TRPM5: variants seen among roughly 807,000 people sequenced by gnomAD.
TRPM5 encodes MLSN1 and TRP-related.
TRPM5 carries 121 observed loss-of-function variants against 124.9 expected under a neutral mutation model. That is an observed-to-expected ratio of 0.97 (90% CI 0.84 to 1.13). The LOEUF (loss-of-function observed/expected upper bound fraction) is 1.13, where lower values mean the gene tolerates loss of function less well. TRPM5 is among the 50% of genes most tolerant of loss of function. The pLI is 0.00. For synonymous variants in TRPM5, 781 were observed against 700.5 expected, an observed-to-expected ratio of 1.11 and a Z score of -1.81; for missense variants, 1,643 against 1,589.1, an observed-to-expected ratio of 1.03 and a Z score of -0.58.
intron 3 of TRPM5, among the ~76,000 whole-genome samples, chr11:2,420,828 G>T (rs534852433): frequency 2.6e-5 from 4 of 152,196 alleles, no homozygotes; most frequent in South Asian, 2.1e-4. Context: ...TGGTACAGGA[G>T]GGGGTGAGGG....
At chr11:2,405,256 G>T (rs1565004600) in intron 23 of TRPM5, among the ~76,000 whole-genome samples, 1 of 152,230 alleles carries the variant, frequency 6.6e-6, no homozygotes, top group Admixed American at 6.5e-5. Flanking sequence ...AGGCCGAGGG[G>T]CCCGTTTGCT....
intron 2 of TRPM5, 55 bp from the exon 8 acceptor site, chr11:2,421,253 T>A: frequency 6.6e-7 from 1 of 1,509,336 alleles, no homozygotes; most frequent in South Asian, 1.2e-5. Flanking sequence ...CTTCCCTAGC[T>A]GGCCCCACGC....
At chr11:2,414,009 G>GGGGGGGCGCC in intron 12 of TRPM5, 52 bp downstream of exon 17, 1 of 1,023,734 alleles carries the variant, frequency 9.8e-7, no homozygotes, top group Non-Finnish European at 1.4e-6. Flanking sequence ...GGCCCAGCTC[G>GGGGGGGCGCC]CCCGCCCACC....
intron 22 of TRPM5, 43 bp downstream of exon 27, chr11:2,405,976 C>T: frequency 6.4e-7 from 1 of 1,571,466 alleles, no homozygotes; most frequent in Non-Finnish European, 8.7e-7. Context: ...CCCACGCAGC[C>T]ACCCGCCTCC....
chr11:2,429,339 T>C, the TRPM5 span, among the ~76,000 whole-genome samples: 5 of 151,026 alleles, frequency 3.3e-5, no homozygotes, highest in Non-Finnish European at 5.9e-5. This position sits in a 1 kb window ranked among gnomAD's most constrained non-coding sequence, Gnocchi z 8.4. Flanking sequence ...ATGAGGGTGA[T>C]GATGACAATG....
At chr11:2,428,443 A>ATGG in the TRPM5 span, among the ~76,000 whole-genome samples, 3 of 152,002 alleles carry the variant, frequency 2.0e-5, no homozygotes, top group Non-Finnish European at 4.4e-5. This position sits in a 1 kb window ranked among gnomAD's most constrained non-coding sequence, Gnocchi z 4.0. Flanking sequence ...GGTGAAGGTG[A>ATGG]TGGTGGTGGT....
exon 1 of TRPM5, chr11:2,423,028 A>G: frequency 6.2e-7 from 1 of 1,611,396 alleles, no homozygotes; most frequent in Non-Finnish European, 8.5e-7. Flanking sequence ...GGCCTTGGAC[A>G]TCCTGCATGG....
At chr11:2,407,694 T>A (rs1850351279) in intron 19 of TRPM5, 65 bp downstream of exon 24, 1 of 1,577,102 alleles carries the variant, frequency 6.3e-7, no homozygotes, top group Non-Finnish European at 8.6e-7. Flanking sequence ...GGAGGCGGTG[T>A]TGGGGAATGA....
At chr11:2,409,387 C>A (rs1026633271) in intron 18 of TRPM5, among the ~76,000 whole-genome samples, 2 of 152,108 alleles carry the variant, frequency 1.3e-5, no homozygotes, top group Admixed American at 6.5e-5. Flanking sequence ...AGGAATGAGA[C>A]CCCCACACCC....
chr11:2,406,220 T>C (rs573076903), intron 21 of TRPM5, 129 bp from the exon 27 acceptor site: 1 of 958,068 alleles, frequency 1.0e-6, no homozygotes, highest in African/African-American at 1.6e-5. Flanking sequence ...CCTTCCTCCC[T>C]CATGCCCAGA....
intron 16 of TRPM5, 126 bp downstream of exon 21, chr11:2,412,009 C>T: frequency 1.1e-6 from 1 of 950,606 alleles, no homozygotes; most frequent in Non-Finnish European, 1.6e-6. Flanking sequence ...TCAAGTGACC[C>T]ACCCACCTCA....
At chr11:2,424,319 C>A (rs1408172355), upstream of TRPM5, among the ~76,000 whole-genome samples, 5 of 152,206 alleles carry the variant, frequency 3.3e-5, no homozygotes. Flanking sequence ...TGTCCTGGGA[C>A]CCCTGGGGCT....
exon 12 of TRPM5, chr11:2,414,096 C>G (rs1215090994): frequency 6.5e-7 from 1 of 1,549,294 alleles, no homozygotes; most frequent in Non-Finnish European, 8.7e-7. Context: ...GCCTTGGCGT[C>G]AGCCTCGGTG....
At chr11:2,440,173 TG>T in the TRPM5 span, among the ~76,000 whole-genome samples, 1 of 152,242 alleles carries the variant, frequency 6.6e-6, no homozygotes, top group East Asian at 1.9e-4. The surrounding 1 kb of genome is among the most constrained non-coding windows in gnomAD (Gnocchi z 5.2). Flanking sequence ...CAATAGACAC[TG>T]GGGACTGGTA....
At chr11:2,410,676 G>A in intron 18 of TRPM5, 1 of 455,084 alleles carries the variant, frequency 2.2e-6, no homozygotes, top group Non-Finnish European at 4.4e-6. Context: ...CCTCCCCACT[G>A]CACTGGCTTA....
intron 7 of TRPM5, among the ~76,000 whole-genome samples, chr11:2,417,141 C>T (rs1845698767): frequency 2.0e-5 from 3 of 152,252 alleles, no homozygotes; most frequent in Middle Eastern, 6.8e-3. Context: ...GGTCGCCCCA[C>T]CTCACGAATA....
rs150918742 is a variant in TRPM5, at chr11:2,411,753, G to A, written c.2489C>T (p.Ala830Val). 10 of 1,612,442 alleles carry A rather than the reference G, an allele frequency of 6.2e-6. No homozygotes were observed. The highest frequency in any genetic ancestry group is 2.2e-5 in the East Asian group (1 of 44,868). Residue 830 changes from alanine to valine, a missense_variant, in exon 17 of 24, where the codon GCG becomes GTG. Physicochemically the swap from Ala to Val is moderately conservative, Grantham distance 64. Transcript: ENST00000155858. ...GAGGACTGTGCGGCCAGCCTCAAAC[G>A]CCGACGGCAGCATCCTGGAGGATGG...
At chr11:2,417,423 C>T (rs780324939) in intron 7 of TRPM5, among the ~76,000 whole-genome samples, 19 of 152,204 alleles carry the variant, frequency 1.2e-4, no homozygotes, top group Non-Finnish European at 1.9e-4. Flanking sequence ...GCACTGCACT[C>T]CAGCCTGGGC....
chr11:2,439,749 A>T, the TRPM5 span, among the ~76,000 whole-genome samples: 2 of 152,260 alleles, frequency 1.3e-5, no homozygotes, highest in East Asian at 1.9e-4. Context: ...TAGTCCAGCC[A>T]CTGTGGAAAG....
Sources: allele counts gnomAD v4.1 joint callset (sites outside exome capture counted in the v4.1 genomes callset), GRCh38; gene constraint gnomAD v4.1.1; non-coding constraint Gnocchi (gnomAD v3.1); transcripts MANE v1.5; gene names NCBI Gene and HGNC (gene_info 2026-07-23, HGNC 2026-07-21).